Variants in SUPT20H observed in about 807,000 individuals in gnomAD.
SUPT20H encodes transcription factor SPT20 homolog.
A neutral mutation model predicts 122.8 loss-of-function variants in SUPT20H; 82 were observed. The observed-to-expected ratio is 0.67, with a 90% CI of 0.56 to 0.80. The LOEUF is 0.80. SUPT20H is among the 30% of genes least tolerant of loss of function. The pLI is 0.00. For missense variants in SUPT20H, 831 were observed against 921.6 expected, an observed-to-expected ratio of 0.90 and a Z score of 1.27; for synonymous variants, 291 against 313.0, an observed-to-expected ratio of 0.93 and a Z score of 0.74.
chr13:37,010,943 T>C (rs368038410), intron 24 of SUPT20H: 1 of 240,338 alleles, frequency 4.2e-6, no homozygotes, highest in Admixed American at 4.9e-5. Flanking sequence ...ATTGATGCTA[T>C]TTTGTTTAGA....
intron 1 of SUPT20H, chr13:37,056,879 T>A (rs1188355139): frequency 6.6e-6 from 1 of 152,204 alleles, no homozygotes; most frequent in East Asian, 1.9e-4. Context: ...GTGACCCACC[T>A]GCTTGAGACT....
At position 37,010,564 on chromosome 13, in the gene SUPT20H, C is replaced by G; in HGVS notation, c.2190G>C (p.Gln730His). The G allele has an allele frequency of 1.9e-6, 3 of 1,613,262 alleles. No individual in the cohort carries two copies. The highest frequency in any genetic ancestry group is 1.7e-6 in the Non-Finnish European group (2 of 1,179,406). ...GTTGCTGGATTACTTGTATCTGTTG[C>G]TGCTGCTGTTGAAAGGCAGAGGAGA... ...FQLSSAFQQQ[Q>H]QQIQQLRFLQ... The change falls in exon 25 of 26, where the codon CAG becomes CAC. Residue 730 changes from glutamine to histidine, a missense_variant. Gln to His is a conservative substitution (Grantham distance 24, BLOSUM62 0). Coordinates refer to ENST00000350612, the MANE Select transcript of SUPT20H (RefSeq NM_001014286.3).
chr13:37,028,389 C>T (rs1040819710), intron 13 of SUPT20H, 84 bp from the exon 14 acceptor site: 1 of 1,257,198 alleles, frequency 8.0e-7, no homozygotes, highest in Non-Finnish European at 1.1e-6. Flanking sequence ...ATAAATGATA[C>T]AGTAACATGT....
At chr13:37,011,512 T>C (rs2059620434) in intron 24 of SUPT20H, among the ~76,000 whole-genome samples, 1 of 152,208 alleles carries the variant, frequency 6.6e-6, no homozygotes, top group Non-Finnish European at 1.5e-5. Flanking sequence ...CAGTCACTCA[T>C]TCAATCCTCA....
chr13:37,026,252 A>G lies in SUPT20H; in HGVS notation c.1179-16T>C. The G allele has an allele frequency of 6.8e-7, 1 of 1,468,754 alleles. No homozygotes were observed. The highest frequency in any genetic ancestry group is 9.0e-7 in the Non-Finnish European group (1 of 1,110,944). 91.0% of individuals were successfully genotyped at this position (1,468,754 alleles called of 1,614,324 possible). The stretch of plus-strand genomic sequence containing the variant: ...AATAATGAACCTAAAATGTTTAAGG[A>G]AAAAAAAGGAGAGAAAAGTATTAGG... On this transcript the variant is annotated splice_polypyrimidine_tract_variant and intron_variant, in intron 15 of 25. Coordinates refer to ENST00000350612, the MANE Select transcript of SUPT20H (RefSeq NM_001014286.3).
intron 13 of SUPT20H, among the ~76,000 whole-genome samples, chr13:37,029,460 T>C (rs57250865): frequency 0.015 from 2,330 of 151,908 alleles, 53 homozygotes; most frequent in African/African-American, 0.053. Context: ...ACCTGGGAAG[T>C]GGAAGAGGTT....
At chr13:37,021,021 A>T (rs2061391886) in intron 21 of SUPT20H, among the ~76,000 whole-genome samples, 1 of 55,548 alleles carries the variant, frequency 1.8e-5, no homozygotes, top group Admixed American at 2.4e-4. Flanking sequence ...TAACTTTCTC[A>T]AGATGACACA....
At chr13:37,037,421 G>A (rs951716827) in intron 9 of SUPT20H, among the ~76,000 whole-genome samples, 7 of 152,108 alleles carry the variant, frequency 4.6e-5, no homozygotes, top group African/African-American at 9.7e-5. Flanking sequence ...TTTGCTTTAC[G>A]GCAGTGCTCT....
chr13:37,031,375 A>C (rs909052676), intron 12 of SUPT20H, among the ~76,000 whole-genome samples, 192 bp downstream of exon 12: 3 of 152,178 alleles, frequency 2.0e-5, no homozygotes, highest in Admixed American at 2.0e-4. Flanking sequence ...AGAACAATAC[A>C]CAGCTTCTAA....
At position 37,055,836 on chromosome 13, in the gene SUPT20H, C is replaced by T. The variant is rs539438516; in HGVS notation, c.-94+3723G>A. 2.4e-3 allele frequency among the ~76,000 whole-genome samples: 366 copies of T among 152,266 alleles called. 3 individuals are homozygous for T. The highest frequency in any genetic ancestry group is 8.1e-3 in the African/African-American group (338 of 41,554). On this transcript the variant is annotated intron_variant, in intron 1 of 25. Transcript: ENST00000350612. ...ACCATCAGAGTGAACAGGCAACCTA[C>T]AGAATGGGAGAAAATGTTTGCAATC...
In SUPT20H at chr13:37,051,520, A is replaced by G; in HGVS notation, c.-30T>C. 1.2e-6 allele frequency: 2 copies of G among 1,611,220 alleles called. No individual in the cohort carries two copies. Among genetic ancestry groups the G allele is most frequent in the Non-Finnish European group, 1.7e-6 (2 of 1,177,948 alleles). On this transcript the variant is annotated 5_prime_UTR_variant, in exon 2 of 26. Transcript: ENST00000350612. The stretch of plus-strand genomic sequence containing the variant: ...GCATAAAATAAGGGTCCAAAAGAAG[A>G]GATAACTTATGTACGCTGATGAAGT...
chr13:37,055,639 T>C lies in SUPT20H; in HGVS notation c.-94+3920A>G, dbSNP rs190775680. 1.5e-3 allele frequency among the ~76,000 whole-genome samples: 232 copies of C among 152,278 alleles called. 1 individual carries two copies. The highest frequency in any genetic ancestry group is 8.5e-3 in the East Asian group (44 of 5,184). On this transcript the variant is annotated intron_variant, in intron 1 of 25. Coordinates refer to ENST00000350612, the MANE Select transcript of SUPT20H (RefSeq NM_001014286.3). Reference sequence around the variant, plus strand: ...ATTCAAGATGGATTAAAGACTTAAATGTTAGACCTAAAACCATAAAAACCC... The same window carrying C: ...ATTCAAGATGGATTAAAGACTTAAACGTTAGACCTAAAACCATAAAAACCC...
chr13:37,025,272 T>A (rs1374424973), intron 17 of SUPT20H, 48 bp downstream of exon 17: 1 of 1,421,152 alleles, frequency 7.0e-7, no homozygotes, highest in Admixed American at 1.7e-5. Context: ...TTTCTCAGAT[T>A]ACTTGTGAAA....
Position 37,043,824 on chromosome 13 carries a change from T to A in SUPT20H, c.396+254A>T, listed in dbSNP as rs375689113. On this transcript the variant is annotated intron_variant, in intron 7 of 25. Coordinates refer to ENST00000350612, the MANE Select transcript of SUPT20H (RefSeq NM_001014286.3). ...GTTTGAGACTGTAGTGAGCTCAAAC[T>A]CCTGGGCTCAAGTGATCCTCCTGCC... Among the ~76,000 whole-genome samples, 57 of 149,452 alleles carry A rather than the reference T, an allele frequency of 3.8e-4. No individual in the cohort carries two copies. The East Asian group carries it at 9.7e-3, about 25-fold the overall frequency.
At chr13:37,012,888 A>G (rs1380640150) in intron 23 of SUPT20H, 3 of 152,092 alleles carry the variant, frequency 2.0e-5, no homozygotes, top group African/African-American at 4.8e-5. Flanking sequence ...CTCAAAAAAA[A>G]AGAGAAAAGC....
In SUPT20H at chr13:37,023,000, A is replaced by G; in HGVS notation, c.1592-920T>C. The G allele has an allele frequency of 3.9e-6, 5 of 1,267,028 alleles. No individual in the cohort carries two copies. The highest frequency in any genetic ancestry group is 5.1e-6 in the Non-Finnish European group (5 of 980,994). The allele number at this position is 1,267,028 out of a possible 1,614,324, so 78.5% of individuals were successfully genotyped here. On this transcript the variant is annotated intron_variant, in intron 19 of 25. Coordinates refer to ENST00000350612, the MANE Select transcript of SUPT20H (RefSeq NM_001014286.3). The surrounding 1 kb of genome is among the most constrained non-coding windows in gnomAD (Gnocchi z 4.5). ...AACAAAAAACAAAAACCAAAAAAGT[A>G]AAACCAAAAGCTCTTGAGGTGTTTT...
rs762614387 is a variant in SUPT20H at position 37,021,610 on chromosome 13, A to T, written c.1662-8T>A. ...ATCAAAGCCTGGGCCCCACTGCAGG[A>T]GAATAAGACAAAGCATTAAACTTCA... is the stretch of plus-strand genomic sequence containing the variant. On this transcript the variant is annotated splice_region_variant and splice_polypyrimidine_tract_variant and intron_variant, in intron 20 of 25. Coordinates refer to ENST00000350612, the MANE Select transcript of SUPT20H (RefSeq NM_001014286.3). The T allele has an allele frequency of 1.9e-6, 3 of 1,606,962 alleles. No homozygotes were observed. In the South Asian group the frequency reaches 3.3e-5, roughly 18 times the overall value.
At chr13:37,032,485 A>G (rs2063543410) in intron 10 of SUPT20H, among the ~76,000 whole-genome samples, 1 of 152,242 alleles carries the variant, frequency 6.6e-6, no homozygotes, top group East Asian at 1.9e-4. Flanking sequence ...CCAAACTTGG[A>G]GAAACCAATA....
chr13:37,046,980 C>A (rs892059725), intron 5 of SUPT20H: 1 of 152,184 alleles, frequency 6.6e-6, no homozygotes, highest in Non-Finnish European at 1.5e-5. Flanking sequence ...ACCCTTCCAA[C>A]CCGAGGGCTC....
Sources: allele counts gnomAD v4.1 joint callset (sites outside exome capture counted in the v4.1 genomes callset), GRCh38; gene constraint gnomAD v4.1.1; non-coding constraint Gnocchi (gnomAD v3.1); transcripts MANE v1.5; gene names NCBI Gene and HGNC (gene_info 2026-07-23, HGNC 2026-07-21).